The following KCNMA1 variants were observed in gnomAD, a reference collection of about 807,000 sequenced individuals.
The protein encoded by KCNMA1 is potassium calcium-activated channel subfamily M alpha 1, also known as Calcium-activated potassium channel subunit alpha-1.
A neutral mutation model predicts 140.0 loss-of-function variants in KCNMA1; 29 were observed. That is an observed-to-expected ratio of 0.21 (90% CI 0.15 to 0.28). KCNMA1 has a LOEUF of 0.28. Ranked by LOEUF, KCNMA1 falls within the 10% of genes least tolerant of loss-of-function variation. KCNMA1 has a pLI of 1.00. For missense variants in KCNMA1, 880 were observed against 1,602.2 expected, an observed-to-expected ratio of 0.55 and a Z score of 7.70; for synonymous variants, 612 against 611.9, an observed-to-expected ratio of 1.00 and a Z score of 0.00.
intron 12 of KCNMA1, among the ~76,000 whole-genome samples, chr10:77,083,867 T>G (rs1328427719): frequency 3.0e-3 from 395 of 130,094 alleles, no homozygotes; most frequent in African/African-American, 4.8e-3. Context: ...TTGGGGGAGG[T>G]GGGAGAGGAG....
chr10:77,418,477 T>C (rs2096791637), intron 1 of KCNMA1, among the ~76,000 whole-genome samples: 1 of 152,164 alleles, frequency 6.6e-6, no homozygotes, highest in African/African-American at 2.4e-5. Context: ...TCTTAGAAAC[T>C]GGTGTGATTC....
intron 1 of KCNMA1, among the ~76,000 whole-genome samples, chr10:77,534,103 CAGCTTCTCCCT>C (rs907296228): frequency 1.3e-5 from 2 of 152,220 alleles, no homozygotes; most frequent in African/African-American, 4.8e-5. Context: ...GGCTCCTCCC[CAGCTTCTCCCT>C]AGCCTGGCAA....
At chr10:77,318,673 G>C (rs764280103) in intron 2 of KCNMA1, among the ~76,000 whole-genome samples, 9 of 152,152 alleles carry the variant, frequency 5.9e-5, no homozygotes, top group Non-Finnish European at 1.2e-4. Flanking sequence ...CGTCCTAGAA[G>C]ATTTGTGAAA....
intron 20 of KCNMA1, among the ~76,000 whole-genome samples, chr10:76,956,882 G>A (rs1202342440): frequency 2.0e-5 from 3 of 152,076 alleles, no homozygotes; most frequent in Admixed American, 6.5e-5. Flanking sequence ...CAGCACTTTG[G>A]GAGGCCAAGG....
intron 2 of KCNMA1, among the ~76,000 whole-genome samples, chr10:77,289,325 A>T (rs1033648978): frequency 4.6e-5 from 7 of 152,162 alleles, no homozygotes; most frequent in Non-Finnish European, 7.3e-5. Context: ...GGACCCCATG[A>T]CTACAGCACA....
At chr10:77,549,036 C>T (rs1212242296) in intron 1 of KCNMA1, among the ~76,000 whole-genome samples, 3 of 152,204 alleles carry the variant, frequency 2.0e-5, no homozygotes, top group Non-Finnish European at 4.4e-5. Flanking sequence ...CATTCATGGA[C>T]TAGACTCACA....
At chr10:76,955,935 C>A (rs572540561) in intron 20 of KCNMA1, among the ~76,000 whole-genome samples, 4 of 152,252 alleles carry the variant, frequency 2.6e-5, no homozygotes, top group South Asian at 2.1e-4. Context: ...GGTTCAAATT[C>A]TCTTGCCCTG....
intron 2 of KCNMA1, among the ~76,000 whole-genome samples, chr10:77,358,532 A>C (rs1161409385): frequency 6.6e-6 from 1 of 151,988 alleles, no homozygotes; most frequent in Non-Finnish European, 1.5e-5. Context: ...TCCTTCTCCA[A>C]GACATTCCCC....
At chr10:77,481,459 A>T (rs1182068714) in intron 1 of KCNMA1, among the ~76,000 whole-genome samples, 1 of 152,146 alleles carries the variant, frequency 6.6e-6, no homozygotes. Context: ...GTAATGAATG[A>T]TATTAACAAT....
chr10:77,441,661 TCAA>T (rs1488781951), intron 1 of KCNMA1, among the ~76,000 whole-genome samples: 1 of 152,048 alleles, frequency 6.6e-6, no homozygotes, highest in African/African-American at 2.4e-5. Flanking sequence ...AGCATGAACA[TCAA>T]CAAGAGGCTC....
intron 2 of KCNMA1, among the ~76,000 whole-genome samples, chr10:77,298,146 G>C (rs890407201): frequency 6.6e-6 from 1 of 152,204 alleles, no homozygotes. Context: ...AAACCAGAGA[G>C]AGCTTGTCAA....
intron 3 of KCNMA1, among the ~76,000 whole-genome samples, chr10:77,249,231 C>T (rs550602843): frequency 1.5e-4 from 23 of 152,300 alleles, no homozygotes; most frequent in African/African-American, 5.3e-4. Context: ...AGAGAGGACT[C>T]CCAGTGCCAT....
intron 1 of KCNMA1, among the ~76,000 whole-genome samples, chr10:77,505,616 A>G (rs774366003): frequency 4.6e-5 from 7 of 152,238 alleles, no homozygotes; most frequent in African/African-American, 7.2e-5. Context: ...GGATACACAG[A>G]CAAGAAAGCA....
At chr10:77,241,261 C>T (rs1461022895) in intron 3 of KCNMA1, among the ~76,000 whole-genome samples, 6 of 152,054 alleles carry the variant, frequency 3.9e-5, no homozygotes, top group Non-Finnish European at 5.9e-5. Flanking sequence ...GTGCCTGAGG[C>T]CACTGTACTT....
intron 2 of KCNMA1, among the ~76,000 whole-genome samples, chr10:77,311,415 A>AG (rs1422808406): frequency 1.3e-5 from 2 of 152,100 alleles, no homozygotes; most frequent in Non-Finnish European, 2.9e-5. Flanking sequence ...TCTCGGCACC[A>AG]GGGAAGGACA....
intron 17 of KCNMA1, among the ~76,000 whole-genome samples, chr10:77,018,681 C>G (rs1430903076): frequency 6.6e-6 from 1 of 152,138 alleles, no homozygotes; most frequent in East Asian, 1.9e-4. Flanking sequence ...GTAAAGAGCA[C>G]TAGATAAGGA....
intron 1 of KCNMA1, among the ~76,000 whole-genome samples, chr10:77,584,900 A>G (rs943718141): frequency 5.3e-5 from 8 of 152,168 alleles, no homozygotes; most frequent in Non-Finnish European, 1.2e-4. Flanking sequence ...CATCACCTCC[A>G]GCTCCCTATG....
intron 2 of KCNMA1, among the ~76,000 whole-genome samples, chr10:77,266,617 C>G (rs1239416321): frequency 6.6e-6 from 1 of 152,172 alleles, no homozygotes; most frequent in Non-Finnish European, 1.5e-5. Context: ...ATTGAATAAT[C>G]AATCCATTCA....
chr10:77,003,317 AT>A (rs1449640638), intron 18 of KCNMA1, among the ~76,000 whole-genome samples: 31 of 150,166 alleles, frequency 2.1e-4, no homozygotes, highest in African/African-American at 7.3e-4. Flanking sequence ...CCAAAAAAAA[AT>A]AAAAAATAAA....
Sources: allele counts gnomAD v4.1 joint callset (sites outside exome capture counted in the v4.1 genomes callset), GRCh38; gene constraint gnomAD v4.1.1; transcripts MANE v1.5; gene names NCBI Gene and HGNC (gene_info 2026-07-23, HGNC 2026-07-21).